The following CCL24 variants were observed in gnomAD, a reference collection of about 807,000 sequenced individuals.
The protein encoded by CCL24 is C-C motif chemokine 24.
CCL24 carries 6 observed loss-of-function variants against 8.6 expected under a neutral mutation model. The observed-to-expected ratio is 0.70, with a 90% CI of 0.38 to 1.38. The LOEUF (loss-of-function observed/expected upper bound fraction) is 1.38. Ranked by LOEUF, CCL24 falls within the 40% of genes most tolerant of loss-of-function variation. The pLI is 0.02. For missense variants in CCL24, 126 were observed against 147.1 expected (o/e 0.86, Z 0.74); for synonymous variants, 59 against 52.7 (o/e 1.12, Z -0.52).
chr7:75,812,186 G>A (rs890950722), intron 2 of CCL24, among the ~76,000 whole-genome samples: 3 of 151,986 alleles, frequency 2.0e-5, no homozygotes, highest in Non-Finnish European at 4.4e-5. Flanking sequence ...CCAGGCTCAA[G>A]CTGTCCTCCC....
intron 1 of CCL24, among the ~76,000 whole-genome samples, chr7:75,819,284 AAAAAAAAAAAAAAAAAAAAATAT>A (rs1321834564): frequency 7.6e-5 from 2 of 26,260 alleles, no homozygotes; most frequent in African/African-American, 2.8e-4. Flanking sequence ...AAAAAAAAAA[AAAAAAAAAAAAAAAAAAAAATAT>A]ATATATATAT....
chr7:75,816,906 C>T (rs911409540), upstream of CCL24, among the ~76,000 whole-genome samples: 1 of 151,684 alleles, frequency 6.6e-6, no homozygotes, highest in Non-Finnish European at 1.5e-5. Flanking sequence ...ACTCTGTTGC[C>T]CAGGCTGGAG....
At chr7:75,820,074 T>TTCTTCC (rs1563353844) in intron 1 of CCL24, among the ~76,000 whole-genome samples, 3 of 139,016 alleles carry the variant, frequency 2.2e-5, no homozygotes, top group Admixed American at 7.8e-5. Flanking sequence ...CTTCTTCTTC[T>TTCTTCC]TCTTCTTCTT....
chr7:75,820,148 C>CCTCCTTCTCCTTCTCCTTCTCCTT (rs376518219), intron 1 of CCL24, among the ~76,000 whole-genome samples: 1 of 98,138 alleles, frequency 1.0e-5, no homozygotes, highest in Non-Finnish European at 2.2e-5. Flanking sequence ...TCCTCCTCCT[C>CCTCCTTCTCCTTCTCCTTCTCCTT]CTCCTTCTCC....
chr7:75,814,848 C>G (rs1356864558), upstream of CCL24, among the ~76,000 whole-genome samples: 4 of 151,968 alleles, frequency 2.6e-5, no homozygotes, highest in Non-Finnish European at 5.9e-5. Flanking sequence ...CCAACTCGGT[C>G]AAATCTGTGA....
chr7:75,820,148 C>CCTCCTCCTCCTT (rs1804013601), intron 1 of CCL24, among the ~76,000 whole-genome samples: 2 of 98,140 alleles, frequency 2.0e-5, no homozygotes, highest in African/African-American at 6.8e-5. Flanking sequence ...TCCTCCTCCT[C>CCTCCTCCTCCTT]CTCCTTCTCC....
chr7:75,811,708 T>C lies in CCL24; in HGVS notation c.*88A>G, dbSNP rs1646391643. On this transcript the variant is annotated 3_prime_UTR_variant, in exon 3 of 3. Transcript: ENST00000222902. ...TGCTAAGAAACAGGAAAATTAGCTCTTCCCCCCATCACTGTGGCTTCTCCA... is the reference window on the plus strand; with the variant it reads ...TGCTAAGAAACAGGAAAATTAGCTCCTCCCCCCATCACTGTGGCTTCTCCA... 1.7e-6 allele frequency: 2 copies of C among 1,202,908 alleles called. No homozygotes were observed. The highest frequency in any genetic ancestry group is 2.4e-5 in the Admixed American group (1 of 41,306). 74.5% of individuals were successfully genotyped at this position (1,202,908 alleles called of 1,614,324 possible).
upstream of CCL24, among the ~76,000 whole-genome samples, chr7:75,814,297 G>A (rs1275156256): frequency 6.6e-6 from 1 of 152,160 alleles, no homozygotes; most frequent in Non-Finnish European, 1.5e-5. Flanking sequence ...TGGGCACGGG[G>A]GCTCATGCTT....
chr7:75,817,372 C>A (rs566583351), upstream of CCL24, among the ~76,000 whole-genome samples: 1 of 151,920 alleles, frequency 6.6e-6, no homozygotes, highest in Non-Finnish European at 1.5e-5. Flanking sequence ...GGGATGCCTG[C>A]CATCCCCATG....
At chr7:75,822,834 A>G (rs559363863) in intron 1 of CCL24, among the ~76,000 whole-genome samples, 6 of 152,084 alleles carry the variant, frequency 3.9e-5, no homozygotes, top group Non-Finnish European at 5.9e-5. Flanking sequence ...ATCTCCAAAA[A>G]GAAAAAAAAG....
upstream of CCL24, among the ~76,000 whole-genome samples, chr7:75,815,229 C>T (rs532159267): frequency 2.0e-4 from 31 of 151,696 alleles, no homozygotes; most frequent in South Asian, 1.7e-3. Flanking sequence ...GTCCTAGCTA[C>T]TTGGGAGGCT....
upstream of CCL24, among the ~76,000 whole-genome samples, chr7:75,818,731 G>T (rs1218887940): frequency 2.0e-5 from 3 of 151,994 alleles, no homozygotes; most frequent in African/African-American, 7.2e-5. Flanking sequence ...ACCCACAGCA[G>T]TGTGAGGCTC....
chr7:75,819,753 C>G (rs1158597885), intron 1 of CCL24, among the ~76,000 whole-genome samples: 2 of 151,958 alleles, frequency 1.3e-5, no homozygotes, highest in Non-Finnish European at 2.9e-5. Flanking sequence ...AAAAAAAATC[C>G]TGTGTCTTCT....
In CCL24 at chr7:75,811,918, C is replaced by G; in HGVS notation, c.238G>C (p.Glu80Gln). The G allele has an allele frequency of 6.2e-7, 1 of 1,610,540 alleles. No homozygotes were observed. Among genetic ancestry groups the G allele is most frequent in the Non-Finnish European group, 8.5e-7 (1 of 1,179,442 alleles). The change falls in exon 3 of 3, where the codon GAG becomes CAG. Residue 80 changes from glutamate to glutamine, a missense_variant. By Grantham distance (29) the Glu-to-Gln change is conservative. Coordinates refer to ENST00000222902, the MANE Select transcript of CCL24 (RefSeq NM_002991.3). The part of the protein sequence containing the change: ...GQQFCGDPKQ[E>Q]WVQRYMKNLD... ...TTCTTCATGTACCTCTGGACCCACT[C>G]CTGCTTGGGGTCGCCACAGAACTGC... is the stretch of plus-strand genomic sequence containing the variant.
At chr7:75,813,485 A>G in intron 1 of CCL24, 62 bp from the exon 2 acceptor site, 1 of 1,366,880 alleles carries the variant, frequency 7.3e-7, no homozygotes, top group Non-Finnish European at 1.0e-6. Context: ...TCTGGGCCTC[A>G]GAGCTGGAGC....
At chr7:75,821,733 C>A (rs1804052469) in intron 1 of CCL24, among the ~76,000 whole-genome samples, 1 of 151,986 alleles carries the variant, frequency 6.6e-6, no homozygotes, top group Non-Finnish European at 1.5e-5. Flanking sequence ...TTGAGACCAG[C>A]CTGATCAACA....
At chr7:75,816,420 T>G (rs1554534144), upstream of CCL24, among the ~76,000 whole-genome samples, 1 of 152,126 alleles carries the variant, frequency 6.6e-6, no homozygotes, top group East Asian at 1.9e-4. Flanking sequence ...GCCTGGCACC[T>G]GCCCCTGTCT....
Position 75,810,831 on chromosome 7 carries a change from G to GA in CCL24, c.*964dup, listed in dbSNP as rs1484617768. On this transcript the variant is annotated 3_prime_UTR_variant, in exon 3 of 3. Transcript: ENST00000222902. ...CACACAAGACACAACAACCTTCAAA[G>GA]AAAAAAAGAATCGCATTTTATTTGG... 1.4e-5 allele frequency among the ~76,000 whole-genome samples: 2 copies of GA among 147,858 alleles called. No homozygotes were observed. Among genetic ancestry groups the GA allele is most frequent in the African/African-American group, 5.0e-5 (2 of 40,308 alleles).
chr7:75,823,232 G>C (rs369133382), intron 1 of CCL24: 2 of 152,794 alleles, frequency 1.3e-5, no homozygotes, highest in Admixed American at 1.3e-4. Context: ...CAGACTGGGG[G>C]TGTCACTGCT....
Sources: allele counts gnomAD v4.1 joint callset (sites outside exome capture counted in the v4.1 genomes callset), GRCh38; gene constraint gnomAD v4.1.1; transcripts MANE v1.5; gene names NCBI Gene and HGNC (gene_info 2026-07-23, HGNC 2026-07-21).